The following PHC3 variants were observed in gnomAD, a reference collection of about 807,000 sequenced individuals.
The protein encoded by PHC3 is polyhomeotic-like protein 3.
Under a neutral mutation model 107.4 loss-of-function variants are expected in PHC3, and 13 were observed. The observed-to-expected ratio is 0.12, with a 90% confidence interval of 0.08 to 0.19. PHC3 has a LOEUF of 0.19. Among genes scored for constraint, PHC3 ranks in the 10% least tolerant of loss-of-function variants. The probability of loss-of-function intolerance (pLI) is 1.00; values close to 1 mark genes in which losing one functional copy is unlikely to be tolerated. For missense variants in PHC3, 992 were observed against 1,210.9 expected, an observed-to-expected ratio of 0.82 and a Z score of 2.68; for synonymous variants, 456 against 427.4, an observed-to-expected ratio of 1.07 and a Z score of -0.83.
intron 4 of PHC3, among the ~76,000 whole-genome samples, chr3:170,153,391 G>A (rs1249561524): frequency 3.3e-5 from 5 of 152,118 alleles, no homozygotes; most frequent in Non-Finnish European, 7.3e-5. Flanking sequence ...TCTGCAAACT[G>A]ATACCTCTTA....
chr3:170,146,877 CTTTTTTTTTTTT>C (rs1035803336), intron 5 of PHC3, among the ~76,000 whole-genome samples: 1 of 97,998 alleles, frequency 1.0e-5, no homozygotes, highest in Non-Finnish European at 2.1e-5. Context: ...TCTATTTTTT[CTTTTTTTTTTTT>C]TTTTTTTTTT....
chr3:170,181,708 T>C lies in PHC3; in HGVS notation c.8A>G (p.Glu3Gly). Reference sequence around the variant, plus strand: ...TCACCATCTAGTCACTCACTCCGCTTCCGCCATCTTCTCTCCTCCATCACT... The same window carrying C: ...TCACCATCTAGTCACTCACTCCGCTCCCGCCATCTTCTCTCCTCCATCACT... MA[E>G]AEFKDHSTAM... Residue 3 changes from glutamate (E) to glycine (G), a missense_variant, in exon 1 of 15, where the codon GAA becomes GGA. Physicochemically the swap from Glu to Gly is moderately conservative, Grantham distance 98. Coordinates refer to ENST00000495893, the MANE Select transcript of PHC3 (RefSeq NM_024947.4). The C allele has an allele frequency of 6.2e-7, 1 of 1,613,142 alleles. No homozygotes were observed. Among genetic ancestry groups the C allele is most frequent in the East Asian group, 2.2e-5 (1 of 44,832 alleles).
chr3:170,128,581 T>C, intron 8 of PHC3, 103 bp downstream of exon 8: 1 of 1,388,574 alleles, frequency 7.2e-7, no homozygotes, highest in Non-Finnish European at 9.6e-7. Context: ...TTCAAGCTTT[T>C]TTAGTTCACA....
In PHC3 at chr3:170,145,497, C is replaced by A; in HGVS notation, c.598G>T (p.Val200Leu). Reference sequence around the variant, plus strand: ...GGAATGTCAGACTGTACAGCAGCCACAGTGGTAGCGGGTGTGAAAATCAGC... The same window carrying A: ...GGAATGTCAGACTGTACAGCAGCCAAAGTGGTAGCGGGTGTGAAAATCAGC... ...QMLIFTPATT[V>L]AAVQSDIPVV... The change falls in exon 6 of 15, where the codon GTG (valine) becomes TTG (leucine). Residue 200 changes from valine (V) to leucine (L), a missense_variant. This residue lies in a region of PHC3 where 35 missense variants were observed against 73.6 expected (regional missense o/e 0.48). Transcript: ENST00000495893. The A allele has an allele frequency of 6.2e-7, 1 of 1,612,822 alleles. No homozygotes were observed. Among genetic ancestry groups the A allele is most frequent in the Non-Finnish European group, 8.5e-7 (1 of 1,179,198 alleles).
At chr3:170,154,493 T>C (rs1726569329) in intron 4 of PHC3, among the ~76,000 whole-genome samples, 1 of 152,142 alleles carries the variant, frequency 6.6e-6, no homozygotes, top group Non-Finnish European at 1.5e-5. Context: ...GTAAGGATAT[T>C]TACACATTCT....
At chr3:170,179,870 G>A (rs1308057967) in intron 1 of PHC3, among the ~76,000 whole-genome samples, 2 of 152,098 alleles carry the variant, frequency 1.3e-5, no homozygotes, top group Admixed American at 1.3e-4. Context: ...TACCTCGAAG[G>A]TGAAAAGCAC....
rs1714586050 is a variant in PHC3 at position 170,095,918 on chromosome 3, T to C, written c.*1312A>G. 1 of 152,160 alleles carries C rather than the reference T, an allele frequency of 6.6e-6. No homozygotes were observed. The highest frequency in any genetic ancestry group is 2.1e-4 in the South Asian group (1 of 4,834). The allele number at this position is 152,160 out of a possible 1,614,324, so 9.4% of individuals were successfully genotyped here. A position where few individuals can be genotyped will look rare whatever the true frequency, so the allele number is the denominator to read the frequency against. On this transcript the variant is annotated 3_prime_UTR_variant, in exon 15 of 15. Transcript: ENST00000495893. ...CTTGGTAAGTGCTTTGCAGGAAGCATGCAAACGTTTGGTAAAGGAAGTAGG... is the reference window on the plus strand; with the variant it reads ...CTTGGTAAGTGCTTTGCAGGAAGCACGCAAACGTTTGGTAAAGGAAGTAGG...
chr3:170,166,821 C>A (rs139074628), intron 4 of PHC3, among the ~76,000 whole-genome samples: 21 of 152,112 alleles, frequency 1.4e-4, no homozygotes, highest in Non-Finnish European at 2.8e-4. Context: ...CACACCACCA[C>A]ACCTGGCTAA....
intron 14 of PHC3, among the ~76,000 whole-genome samples, chr3:170,100,527 C>T (rs890925550): frequency 6.6e-6 from 1 of 152,136 alleles, no homozygotes; most frequent in Non-Finnish European, 1.5e-5. Context: ...TCATATTAAC[C>T]AGACTCTAAA....
At chr3:170,138,430 G>A (rs1177955783) in intron 6 of PHC3, among the ~76,000 whole-genome samples, 5 of 152,024 alleles carry the variant, frequency 3.3e-5, no homozygotes, top group Admixed American at 6.6e-5. Flanking sequence ...GGTGGCTCAC[G>A]CCTGTAATCC....
intron 4 of PHC3, among the ~76,000 whole-genome samples, chr3:170,156,795 C>A (rs913925550): frequency 1.8e-4 from 27 of 151,830 alleles, no homozygotes; most frequent in African/African-American, 5.6e-4. Context: ...CGGGGTTTCA[C>A]CATGTTGGTC....
intron 11 of PHC3, among the ~76,000 whole-genome samples, chr3:170,110,246 T>A (rs1717367653): frequency 6.6e-6 from 1 of 152,082 alleles, no homozygotes; most frequent in African/African-American, 2.4e-5. Flanking sequence ...AAATCTTCAG[T>A]ACTATCCACC....
chr3:170,136,992 A>C (rs181728920), intron 6 of PHC3, among the ~76,000 whole-genome samples: 1 of 152,228 alleles, frequency 6.6e-6, no homozygotes, highest in Admixed American at 6.5e-5. Context: ...ACTAAATAAA[A>C]GCAGTATGTA....
In PHC3 at chr3:170,128,762, T is replaced by C; in HGVS notation, c.1710A>G (p.Pro570=). The C allele has an allele frequency of 1.2e-6, 2 of 1,613,990 alleles. No homozygotes were observed. The highest frequency in any genetic ancestry group is 1.7e-6 in the Non-Finnish European group (2 of 1,179,862). Reference sequence around the variant, plus strand: ...TCTGTGGAGGAGGAAGAGTCTGAAATGGCAACTGGACCAAAGCTTCTGCAG... The same window carrying C: ...TCTGTGGAGGAGGAAGAGTCTGAAACGGCAACTGGACCAAAGCTTCTGCAG... The part of the protein sequence containing the change: ...LPAAEALVQL[P]FQTLPPPQTV... The change falls in exon 8 of 15, where the codon CCA becomes CCG. Residue 570 remains proline (P), a synonymous_variant. Coordinates refer to ENST00000495893, the MANE Select transcript of PHC3 (RefSeq NM_024947.4).
intron 4 of PHC3, chr3:170,150,780 TA>T: frequency 2.7e-6 from 1 of 370,322 alleles, no homozygotes; most frequent in Non-Finnish European, 5.3e-6. Flanking sequence ...GAAGGATGCG[TA>T]AGAAACTGGT....
At chr3:170,136,718 GTGGT>G (rs917963360) in intron 6 of PHC3, 53 bp from the exon 7 acceptor site, 4 of 1,566,716 alleles carry the variant, frequency 2.6e-6, no homozygotes, top group Admixed American at 3.6e-5. Context: ...TTTAATTGAT[GTGGT>G]CATCATTACC....
intron 4 of PHC3, among the ~76,000 whole-genome samples, chr3:170,166,137 T>C (rs1004250777): frequency 6.7e-6 from 1 of 150,204 alleles, no homozygotes; most frequent in African/African-American, 2.5e-5. Context: ...CTCCGCCTCC[T>C]GGGTTCAAGT....
In PHC3 at chr3:170,122,698, G is replaced by A; in HGVS notation, c.1835C>T (p.Ser612Leu). 1 of 1,613,924 alleles carries A rather than the reference G, an allele frequency of 6.2e-7. No individual in the cohort carries two copies. The highest frequency in any genetic ancestry group is 8.5e-7 in the Non-Finnish European group (1 of 1,179,874). Reference protein sequence around the residue: ...DVCEEEMPEESDECVRMDRTP... With the variant: ...DVCEEEMPEELDECVRMDRTP... The stretch of plus-strand genomic sequence containing the variant: ...TCTATCCATCCGGACACATTCATCT[G>A]ACTCTTCTGGCATTTCTTCTTCACA... Residue 612 changes from serine to leucine, a missense_variant, in exon 9 of 15, where the codon TCA becomes TTA. This residue lies in a region of PHC3 where 543 missense variants were observed against 590.8 expected (regional missense o/e 0.92). Coordinates refer to ENST00000495893, the MANE Select transcript of PHC3 (RefSeq NM_024947.4).
chr3:170,180,715 T>C (rs1731251914), intron 1 of PHC3, among the ~76,000 whole-genome samples: 1 of 152,184 alleles, frequency 6.6e-6, no homozygotes, highest in Admixed American at 6.5e-5. Context: ...ACCAGTGACA[T>C]GCAAAAGGCC....
Sources: allele counts gnomAD v4.1 joint callset (sites outside exome capture counted in the v4.1 genomes callset), GRCh38; gene constraint gnomAD v4.1.1; regional missense constraint gnomAD v4.1.1; transcripts MANE v1.5; gene names NCBI Gene and HGNC (gene_info 2026-07-23, HGNC 2026-07-21).